PBX1: variants seen among roughly 807,000 people sequenced by gnomAD.
The protein encoded by PBX1 is PBX homeobox 1, also known as pre-B-cell leukemia transcription factor 1.
In PBX1, 6 loss-of-function variants were observed where a neutral mutation model predicts 53.4. The observed-to-expected ratio is 0.11, with a 90% CI of 0.06 to 0.22. PBX1 has a LOEUF of 0.22. Among genes scored for constraint, PBX1 ranks in the 10% least tolerant of loss-of-function variants. The pLI is 1.00. For synonymous variants in PBX1, 204 were observed against 212.3 expected, an observed-to-expected ratio of 0.96 and a Z score of 0.34; for missense variants, 251 against 551.4, an observed-to-expected ratio of 0.46 and a Z score of 5.46.
intron 2 of PBX1, among the ~76,000 whole-genome samples, chr1:164,781,853 A>G (rs999096208): frequency 1.3e-5 from 2 of 151,978 alleles, no homozygotes; most frequent in African/African-American, 2.4e-5. Flanking sequence ...TTTTTCTGTG[A>G]CTTGCCTCTG....
At chr1:164,601,259 AAAAG>A (rs1432311522) in intron 2 of PBX1, among the ~76,000 whole-genome samples, 62 of 150,092 alleles carry the variant, frequency 4.1e-4, no homozygotes, top group Middle Eastern at 3.5e-3. Context: ...AAAAAAAAAA[AAAAG>A]CAGACACAGA....
intron 3 of PBX1, among the ~76,000 whole-genome samples, chr1:164,796,331 A>G (rs1263052817): frequency 6.6e-6 from 1 of 152,164 alleles, no homozygotes; most frequent in Non-Finnish European, 1.5e-5. Context: ...AAGAGCTGTC[A>G]TATTATAATA....
chr1:164,593,400 C>CA (rs756053682), intron 2 of PBX1, among the ~76,000 whole-genome samples: 1 of 152,036 alleles, frequency 6.6e-6, no homozygotes, highest in African/African-American at 2.4e-5. Context: ...AGGTTACTTC[C>CA]AAAGAATTAA....
At chr1:164,655,287 A>G (rs983816560) in intron 2 of PBX1, among the ~76,000 whole-genome samples, 1 of 151,790 alleles carries the variant, frequency 6.6e-6, no homozygotes, top group Non-Finnish European at 1.5e-5. Context: ...CTAATGTTGT[A>G]CTTTTAGTAG....
At chr1:164,676,974 C>A (rs1054114797) in intron 2 of PBX1, among the ~76,000 whole-genome samples, 1 of 152,094 alleles carries the variant, frequency 6.6e-6, no homozygotes, top group Non-Finnish European at 1.5e-5. Context: ...CTAGTTTCTA[C>A]CTTTTTTTTT....
chr1:164,563,473 A>C (rs1653207241), intron 2 of PBX1, among the ~76,000 whole-genome samples, 162 bp downstream of exon 2: 1 of 152,140 alleles, frequency 6.6e-6, no homozygotes, highest in African/African-American at 2.4e-5. Flanking sequence ...TTTCCTTAAA[A>C]AAAAGAATCA....
At chr1:164,700,907 C>G (rs1454111071) in intron 2 of PBX1, among the ~76,000 whole-genome samples, 1 of 152,186 alleles carries the variant, frequency 6.6e-6, no homozygotes, top group Non-Finnish European at 1.5e-5. Context: ...GTCATTGAAC[C>G]TCTCTGGGTG....
chr1:164,814,072 A>G (rs1310677927), intron 6 of PBX1: 2 of 152,238 alleles, frequency 1.3e-5, no homozygotes, highest in Non-Finnish European at 2.9e-5. Flanking sequence ...AAAAGAAAAT[A>G]CTATTGTATG....
At position 164,868,243 on chromosome 1, in the gene PBX1, C is replaced by T. The variant is rs373508207; in HGVS notation, n.258-30945C>T. ...GGGGCCATTTTTTTTAAACAGTGTC[C>T]GCCCCGAGATATTCTCTCTTCCCTC... is the stretch of plus-strand genomic sequence containing the variant. On this transcript the variant is annotated intron_variant and non_coding_transcript_variant, in intron 2 of 2. Transcript: ENST00000558796. 4.6e-5 allele frequency among the ~76,000 whole-genome samples: 7 copies of T among 152,172 alleles called. No homozygotes were observed. In the East Asian group the frequency reaches 5.8e-4, roughly 13 times the overall value.
chr1:164,621,040 G>A (rs1342904704), intron 2 of PBX1, among the ~76,000 whole-genome samples: 1 of 151,998 alleles, frequency 6.6e-6, no homozygotes, highest in Non-Finnish European at 1.5e-5. Flanking sequence ...CCAAGCTGGA[G>A]TGCAGTGGCA....
chr1:164,821,125 C>G (rs1670133784), intron 7 of PBX1, among the ~76,000 whole-genome samples: 1 of 152,190 alleles, frequency 6.6e-6, no homozygotes, highest in African/African-American at 2.4e-5. Context: ...CCCAAACCTC[C>G]TCTAAACAGA....
chr1:164,715,911 AT>A (rs1664056978), intron 2 of PBX1, among the ~76,000 whole-genome samples: 1 of 152,202 alleles, frequency 6.6e-6, no homozygotes. Flanking sequence ...ACACTATGAG[AT>A]GATGGCTTAC....
chr1:164,573,171 A>G (rs1004692497), intron 2 of PBX1, among the ~76,000 whole-genome samples: 1 of 152,190 alleles, frequency 6.6e-6, no homozygotes, highest in African/African-American at 2.4e-5. Context: ...ATTTAACCCA[A>G]ATATATCTAA....
chr1:164,722,156 G>A (rs935441518), intron 2 of PBX1, among the ~76,000 whole-genome samples: 1 of 152,124 alleles, frequency 6.6e-6, no homozygotes, highest in Non-Finnish European at 1.5e-5. Context: ...CTCATGCTCT[G>A]CAACCATTTT....
intron 2 of PBX1, among the ~76,000 whole-genome samples, chr1:164,647,577 C>T (rs1198137484): frequency 2.0e-5 from 3 of 152,254 alleles, no homozygotes; most frequent in South Asian, 2.1e-4. Flanking sequence ...AGGCCTAACC[C>T]TTCTGCCAAG....
intron 6 of PBX1, chr1:164,815,485 C>T (rs78921624): frequency 9.9e-5 from 15 of 152,228 alleles, no homozygotes; most frequent in Non-Finnish European, 1.9e-4. Context: ...TCTTGTAATA[C>T]CCCTGTATTA....
rs144914506 is a variant in PBX1 at position 164,867,096 on chromosome 1, G to T, written n.258-32092G>T. On this transcript the variant is annotated intron_variant and non_coding_transcript_variant, in intron 2 of 2. Transcript: ENST00000558796. ...TTAGACAATGTGACACAGAGAAAGGGCACAAGCTTGGTACCCAGACAGCTC... is the reference window on the plus strand; with the variant it reads ...TTAGACAATGTGACACAGAGAAAGGTCACAAGCTTGGTACCCAGACAGCTC... Among the ~76,000 whole-genome samples the T allele has an allele frequency of 1.7e-4, 26 of 152,294 alleles. No individual in the cohort carries two copies. In the East Asian group the frequency reaches 4.8e-3, roughly 28 times the overall value.
At chr1:164,630,920 G>A (rs1770552) in intron 2 of PBX1, 85,209 of 151,968 alleles carry the variant, frequency 0.56, 24,466 homozygotes, top group East Asian at 0.92. Flanking sequence ...TCACCTTACT[G>A]TAAAGCTAGC....
intron 8 of PBX1, among the ~76,000 whole-genome samples, chr1:164,844,610 G>A (rs12141339): frequency 0.081 from 12,383 of 152,088 alleles, 626 homozygotes; most frequent in African/African-American, 0.14. Context: ...TTAGCGATAA[G>A]TATATCTTAT....
Sources: allele counts gnomAD v4.1 joint callset (sites outside exome capture counted in the v4.1 genomes callset), GRCh38; gene constraint gnomAD v4.1.1; transcripts MANE v1.5; gene names NCBI Gene and HGNC (gene_info 2026-07-23, HGNC 2026-07-21).